Variants in ARHGEF28 observed in about 807,000 individuals in gnomAD.
The protein encoded by ARHGEF28 is 190 kDa guanine nucleotide exchange factor.
In ARHGEF28, 152 loss-of-function variants were observed where a neutral mutation model predicts 206.6. The ratio of observed to expected loss-of-function variants is 0.74; its 90% CI spans 0.64 to 0.84. The LOEUF is 0.84. Ranked by LOEUF, ARHGEF28 falls within the 40% of genes least tolerant of loss-of-function variation. ARHGEF28 has a pLI of 0.00. For synonymous variants in ARHGEF28, 763 were observed against 776.4 expected (o/e 0.98, Z 0.29); for missense variants, 2,028 against 2,073.2 (o/e 0.98, Z 0.42).
intron 29 of ARHGEF28, among the ~76,000 whole-genome samples, chr5:73,897,615 T>TA (rs1762030792): frequency 6.6e-6 from 1 of 152,274 alleles, no homozygotes. Flanking sequence ...TGAGATATTT[T>TA]AATATAATGG....
intron 9 of ARHGEF28, among the ~76,000 whole-genome samples, chr5:73,821,176 T>G (rs1381090743): frequency 1.3e-5 from 2 of 151,974 alleles, no homozygotes; most frequent in African/African-American, 4.8e-5. Flanking sequence ...GATTCAGGAA[T>G]TAAGTAGGGC....
rs566336137 is a variant in ARHGEF28, at chr5:73,719,835, C to T, written c.34-30002C>T. On this transcript the variant is annotated intron_variant, in intron 2 of 35. Transcript: ENST00000513042. ...GTGTCTGTTCCTGGAGGCAAGCCCT[C>T]GGTTGTGCCACTATAATGGATTACT... is the stretch of plus-strand genomic sequence containing the variant. 1.8e-4 allele frequency among the ~76,000 whole-genome samples: 27 copies of T among 152,344 alleles called. No homozygotes were observed. The South Asian group carries it at 3.9e-3, about 22-fold the overall frequency.
At chr5:73,879,447 G>T (rs937741089) in intron 22 of ARHGEF28, among the ~76,000 whole-genome samples, 3 of 152,198 alleles carry the variant, frequency 2.0e-5, no homozygotes, top group Admixed American at 6.5e-5. Flanking sequence ...TCTCCGTCCA[G>T]CTTTGTTCCG....
chr5:73,806,450 T>A (rs1755466694), intron 9 of ARHGEF28, among the ~76,000 whole-genome samples: 1 of 128,282 alleles, frequency 7.8e-6, no homozygotes, highest in Non-Finnish European at 1.6e-5. Context: ...ATAGTATATA[T>A]CTATATATAG....
intron 35 of ARHGEF28, among the ~76,000 whole-genome samples, chr5:73,935,770 TAGTAATAAGA>T (rs1359631825): frequency 1.3e-5 from 2 of 152,120 alleles, no homozygotes; most frequent in African/African-American, 4.8e-5. Flanking sequence ...ACAAGGGATA[TAGTAATAAGA>T]AGTACAAGTC....
intron 2 of ARHGEF28, among the ~76,000 whole-genome samples, chr5:73,730,534 ATTTTTTT>A (rs968990208): frequency 2.4e-4 from 28 of 117,418 alleles, no homozygotes; most frequent in South Asian, 1.6e-3. Context: ...CATAAGGAGG[ATTTTTTT>A]TTTTTTTTTT....
At chr5:73,676,069 C>CTTT (rs70973270) in intron 1 of ARHGEF28, among the ~76,000 whole-genome samples, 2 of 115,118 alleles carry the variant, frequency 1.7e-5, no homozygotes, top group Non-Finnish European at 3.5e-5. Flanking sequence ...ATTTTCTTTT[C>CTTT]TTTTTTTTTT....
At chr5:73,757,356 T>A (rs987560155) in intron 4 of ARHGEF28, among the ~76,000 whole-genome samples, 4 of 152,240 alleles carry the variant, frequency 2.6e-5, no homozygotes, top group African/African-American at 9.6e-5. Flanking sequence ...TTTATTAAAA[T>A]TTTTTTGTGA....
intron 4 of ARHGEF28, among the ~76,000 whole-genome samples, chr5:73,761,863 A>G (rs1240135379): frequency 6.6e-6 from 1 of 151,714 alleles, no homozygotes; most frequent in Non-Finnish European, 1.5e-5. Context: ...CTCACTCTCA[A>G]TTTGTTGATT....
chr5:73,869,740 C>G (rs1222616158), intron 20 of ARHGEF28, among the ~76,000 whole-genome samples: 1 of 152,088 alleles, frequency 6.6e-6, no homozygotes, highest in African/African-American at 2.4e-5. Context: ...AACCCCATCT[C>G]TACCAAAAAT....
At chr5:73,793,373 A>G (rs1348254176) in intron 7 of ARHGEF28, among the ~76,000 whole-genome samples, 1 of 152,228 alleles carries the variant, frequency 6.6e-6, no homozygotes, top group Non-Finnish European at 1.5e-5. Flanking sequence ...ATAAACATGG[A>G]TGATAACTCC....
chr5:73,770,193 C>T (rs905634744), intron 4 of ARHGEF28, among the ~76,000 whole-genome samples: 3 of 152,158 alleles, frequency 2.0e-5, no homozygotes, highest in African/African-American at 7.2e-5. Context: ...AGATAGTAAC[C>T]ATAGAGTTAG....
intron 2 of ARHGEF28, among the ~76,000 whole-genome samples, chr5:73,708,693 T>C (rs1749078826): frequency 6.6e-6 from 1 of 152,172 alleles, no homozygotes; most frequent in Admixed American, 6.5e-5. Flanking sequence ...ATCTTTTTGG[T>C]AGACCAATTA....
chr5:73,732,160 T>C (rs1750660016), intron 2 of ARHGEF28, among the ~76,000 whole-genome samples: 1 of 152,124 alleles, frequency 6.6e-6, no homozygotes, highest in Non-Finnish European at 1.5e-5. Flanking sequence ...GTATCCACCT[T>C]TATGGTATTA....
chr5:73,682,567 C>T (rs1257093657), intron 1 of ARHGEF28, among the ~76,000 whole-genome samples: 1 of 152,074 alleles, frequency 6.6e-6, no homozygotes, highest in Non-Finnish European at 1.5e-5. Flanking sequence ...TGCCTGCCAC[C>T]CTGCCCAGCT....
In ARHGEF28 at chr5:73,736,303, A is replaced by G. The variant is rs562679885; in HGVS notation, c.34-13534A>G. On this transcript the variant is annotated intron_variant, in intron 2 of 35. Transcript: ENST00000513042. ...TTCGGCAGAGGCTTTGCTGTGGGGG[A>G]CGCAGCACTGACCACAGTGGCAGGG... is the stretch of plus-strand genomic sequence containing the variant. Among the ~76,000 whole-genome samples the G allele has an allele frequency of 8.5e-5, 13 of 152,212 alleles. No homozygotes were observed. In the South Asian group the frequency reaches 2.7e-3, roughly 32 times the overall value.
At chr5:73,897,497 T>C (rs1467781026) in intron 29 of ARHGEF28, among the ~76,000 whole-genome samples, 1 of 152,254 alleles carries the variant, frequency 6.6e-6, no homozygotes, top group Non-Finnish European at 1.5e-5. Context: ...TTTTGAGGAA[T>C]AGCTAATATT....
intron 9 of ARHGEF28, among the ~76,000 whole-genome samples, chr5:73,806,976 C>T (rs970920821): frequency 6.8e-6 from 1 of 147,188 alleles, no homozygotes; most frequent in Non-Finnish European, 1.5e-5. Context: ...AAAATATAGT[C>T]AGTTAAACTT....
At chr5:73,764,318 G>A (rs1177921116) in intron 4 of ARHGEF28, among the ~76,000 whole-genome samples, 1 of 152,192 alleles carries the variant, frequency 6.6e-6, no homozygotes, top group Non-Finnish European at 1.5e-5. Context: ...GTGGCTATAT[G>A]CATAATTTAG....
Sources: gnomAD v4.1 joint callset for allele counts (sites outside exome capture counted in the v4.1 genomes callset) on GRCh38, gnomAD v4.1.1 for gene constraint, MANE v1.5 for transcripts, NCBI Gene and HGNC (gene_info 2026-07-23, HGNC 2026-07-21) for gene names.